Variants in DNM3 observed in about 807,000 individuals in gnomAD.
The protein encoded by DNM3 is dynamin-3.
DNM3 carries 47 observed loss-of-function variants against 101.6 expected under a neutral mutation model. The observed-to-expected ratio is 0.46, with a 90% CI of 0.37 to 0.59. DNM3 has a LOEUF of 0.59. DNM3 is among the 20% of genes least tolerant of loss of function. The pLI is 0.00. For synonymous variants in DNM3, 385 were observed against 387.9 expected, an observed-to-expected ratio of 0.99 and a Z score of 0.09; for missense variants, 849 against 1,085.7, an observed-to-expected ratio of 0.78 and a Z score of 3.06.
chr1:171,896,365 A>C (rs984423456), intron 1 of DNM3, among the ~76,000 whole-genome samples: 2 of 152,206 alleles, frequency 1.3e-5, no homozygotes, highest in African/African-American at 2.4e-5. Flanking sequence ...ATTCCTTGTA[A>C]GTTGGATTCC....
intron 15 of DNM3, among the ~76,000 whole-genome samples, chr1:172,303,535 A>G (rs1320623007): frequency 6.6e-6 from 1 of 152,192 alleles, no homozygotes; most frequent in African/African-American, 2.4e-5. Flanking sequence ...AGAACACCAC[A>G]AAGATACTCC....
chr1:172,178,199 C>T (rs2059221060), intron 14 of DNM3, among the ~76,000 whole-genome samples: 1 of 151,710 alleles, frequency 6.6e-6, no homozygotes, highest in East Asian at 1.9e-4. Flanking sequence ...CTTATGAGAC[C>T]ACTGTCATTG....
chr1:172,168,369 G>T (rs1193177800), intron 14 of DNM3, among the ~76,000 whole-genome samples: 2 of 151,980 alleles, frequency 1.3e-5, no homozygotes, highest in African/African-American at 4.8e-5. Flanking sequence ...GAATAAAGGA[G>T]AATCCTGTAT....
chr1:172,294,431 T>C (rs190080653), intron 15 of DNM3, among the ~76,000 whole-genome samples: 3,118 of 152,286 alleles, frequency 0.02, 39 homozygotes, highest in Non-Finnish European at 0.035. Context: ...ATTCAACAAG[T>C]GTTTGTTTTA....
chr1:172,079,223 C>A (rs181846055), intron 11 of DNM3, among the ~76,000 whole-genome samples: 445 of 152,220 alleles, frequency 2.9e-3, no homozygotes, highest in Admixed American at 5.1e-3. Flanking sequence ...TTTCCAACTT[C>A]ATTCCATTCT....
intron 2 of DNM3, among the ~76,000 whole-genome samples, chr1:171,975,050 T>G (rs1242707496): frequency 6.6e-6 from 1 of 150,958 alleles, no homozygotes; most frequent in Non-Finnish European, 1.5e-5. Context: ...TAAGAGGGAG[T>G]CTTGCTATAT....
chr1:171,944,933 G>A (rs1322569136), intron 2 of DNM3, among the ~76,000 whole-genome samples: 3 of 125,682 alleles, frequency 2.4e-5, no homozygotes, highest in African/African-American at 6.2e-5. Flanking sequence ...GCAAAATCAC[G>A]TCTCACTGAA....
chr1:172,093,651 A>G (rs1304126882), intron 13 of DNM3: 1 of 1,567,088 alleles, frequency 6.4e-7, no homozygotes, highest in Non-Finnish European at 8.6e-7. Flanking sequence ...TTTATTTTAA[A>G]AACTTTTTTT....
chr1:172,347,762 C>T (rs1198416806), intron 17 of DNM3, among the ~76,000 whole-genome samples: 1 of 152,094 alleles, frequency 6.6e-6, no homozygotes, highest in African/African-American at 2.4e-5. Context: ...TCAAAGACGA[C>T]TAACAGAACG....
At position 172,388,590 on chromosome 1, in the gene DNM3, C is replaced by G; in HGVS notation, c.2303C>G (p.Pro768Arg). Residue 768 changes from proline to arginine, a missense_variant, in exon 20 of 21, where the codon CCC becomes CGC. By Grantham distance (103) the Pro-to-Arg change is moderately radical. Coordinates refer to ENST00000627582, the MANE Select transcript of DNM3 (RefSeq NM_015569.5). ...QHSRRSPPPS[P>R]TTQRRPTLSA... The stretch of plus-strand genomic sequence containing the variant: ...TTCCTCAGGTCACCTCCTCCAAGCC[C>G]CACAACCCAAAGGAGGCCAACACTA... 6.2e-7 allele frequency: 1 copy of G among 1,614,006 alleles called. No individual in the cohort carries two copies. The highest frequency in any genetic ancestry group is 2.2e-5 in the East Asian group (1 of 44,884).
intron 2 of DNM3, among the ~76,000 whole-genome samples, chr1:171,973,990 G>GT (rs369504102): frequency 1.6e-4 from 24 of 147,762 alleles, no homozygotes; most frequent in African/African-American, 2.0e-4. Context: ...TAGTGTTTTT[G>GT]TTTTTTTTTT....
In DNM3 at chr1:172,408,052, T is replaced by A; in HGVS notation, c.*211T>A. 7.1e-7 allele frequency: 1 copy of A among 1,415,268 alleles called. No homozygotes were observed. Among genetic ancestry groups the A allele is most frequent in the Non-Finnish European group, 9.2e-7 (1 of 1,084,184 alleles). 87.7% of individuals were successfully genotyped at this position (1,415,268 alleles called of 1,614,324 possible). On this transcript the variant is annotated 3_prime_UTR_variant, in exon 21 of 21. Coordinates refer to ENST00000627582, the MANE Select transcript of DNM3 (RefSeq NM_015569.5). ...AGAAACTGCTAACCTTTTAGAGGCT[T>A]TATATGTTGTACTGACCAAGGTAGG...
intron 1 of DNM3, among the ~76,000 whole-genome samples, chr1:171,869,668 C>A (rs538054230): frequency 6.6e-6 from 1 of 152,160 alleles, no homozygotes; most frequent in Admixed American, 6.5e-5. Context: ...ATCATTAGTT[C>A]TCACTGACAT....
In DNM3 at chr1:172,196,822, CAT is replaced by C. The variant is rs2059967363; in HGVS notation, c.1660-56749_1660-56748del. Among the ~76,000 whole-genome samples the C allele has an allele frequency of 2.0e-5, 3 of 151,968 alleles. No homozygotes were observed. In the South Asian group the frequency reaches 6.2e-4, roughly 32 times the overall value. ...TTGGATATTAGACCTTTGTCAGATG[CAT>C]AGTTTGCAAATATTTTCTCCCATTC... On this transcript the variant is annotated intron_variant, in intron 14 of 20. Coordinates refer to ENST00000627582, the MANE Select transcript of DNM3 (RefSeq NM_015569.5).
intron 1 of DNM3, among the ~76,000 whole-genome samples, chr1:171,883,171 ACT>A (rs57116170): frequency 0.022 from 3,369 of 151,800 alleles, 114 homozygotes; most frequent in African/African-American, 0.077. Flanking sequence ...TTATGTAAAT[ACT>A]CTCTTATCAT....
intron 15 of DNM3, among the ~76,000 whole-genome samples, chr1:172,254,993 G>C (rs563452005): frequency 6.6e-6 from 1 of 152,198 alleles, no homozygotes; most frequent in Non-Finnish European, 1.5e-5. Flanking sequence ...GAAGTTACTT[G>C]ATTAGGTTCA....
chr1:172,389,069 T>C (rs2069371271), intron 20 of DNM3: 1 of 497,798 alleles, frequency 2.0e-6, no homozygotes, highest in East Asian at 3.5e-5. Context: ...ATGAATGACA[T>C]TTTGGCAGCT....
At chr1:171,861,125 C>T (rs1371683217) in intron 1 of DNM3, among the ~76,000 whole-genome samples, 1 of 152,090 alleles carries the variant, frequency 6.6e-6, no homozygotes, top group African/African-American at 2.4e-5. Flanking sequence ...GAAAGATATC[C>T]TATGTTCATG....
chr1:172,336,700 TAA>T (rs71717500), intron 17 of DNM3, among the ~76,000 whole-genome samples: 54 of 138,556 alleles, frequency 3.9e-4, no homozygotes, highest in Non-Finnish European at 4.8e-4. Context: ...TCTTTACCTT[TAA>T]AAAAAAAAAA....
Sources: allele counts gnomAD v4.1 joint callset (sites outside exome capture counted in the v4.1 genomes callset), GRCh38; gene constraint gnomAD v4.1.1; transcripts MANE v1.5; gene names NCBI Gene and HGNC (gene_info 2026-07-23, HGNC 2026-07-21).